The following VGLL4 variants were observed in gnomAD, a reference collection of about 807,000 sequenced individuals.
VGLL4 encodes the protein vestigial like family member 4.
Under a neutral mutation model 21.0 loss-of-function variants are expected in VGLL4, and 7 were observed. The ratio of observed to expected loss-of-function variants is 0.33; its 90% CI spans 0.19 to 0.63. The LOEUF is 0.63. VGLL4 is among the 20% of genes least tolerant of loss of function. The pLI is 0.78. For synonymous variants in VGLL4, 222 were observed against 173.2 expected (o/e 1.28, Z -2.21); for missense variants, 394 against 425.7 (o/e 0.93, Z 0.66).
chr3:11,711,734 G>T (rs1366453286), intron 1 of VGLL4, among the ~76,000 whole-genome samples: 3 of 151,962 alleles, frequency 2.0e-5, no homozygotes, highest in African/African-American at 4.8e-5. Context: ...AAATAAAAAA[G>T]AATTTAGAGG....
At position 11,565,022 on chromosome 3, in the gene VGLL4, GA is replaced by G; in HGVS notation, c.273-4del. ...AGTCTCCATTGGCAGTCTTGTTCCT[GA>G]AAAAGAGGAATGGGCATTCAGGGGG... On this transcript the variant is annotated splice_polypyrimidine_tract_variant and splice_region_variant and intron_variant, in intron 2 of 4. Coordinates refer to ENST00000430365, the MANE Select transcript of VGLL4 (RefSeq NM_001128219.3). The surrounding 1 kb of genome is among the most constrained non-coding windows in gnomAD (Gnocchi z 4.1). 5.4e-6 allele frequency: 8 copies of G among 1,475,820 alleles called. No homozygotes were observed. The highest frequency in any genetic ancestry group is 6.3e-6 in the Non-Finnish European group (7 of 1,114,978). The allele number at this position is 1,475,820 out of a possible 1,614,324, so 91.4% of individuals were successfully genotyped here. A position where few individuals can be genotyped will look rare whatever the true frequency, so the allele number is the denominator to read the frequency against.
At chr3:11,685,802 T>A (rs2076438984) in intron 2 of VGLL4, among the ~76,000 whole-genome samples, 1 of 152,012 alleles carries the variant, frequency 6.6e-6, no homozygotes, top group African/African-American at 2.4e-5. Context: ...TGGTGAGCTA[T>A]GATCACACTG....
intron 2 of VGLL4, among the ~76,000 whole-genome samples, chr3:11,676,413 A>T (rs1357868542): frequency 0.012 from 540 of 46,916 alleles, 5 homozygotes; most frequent in African/African-American, 0.025. Context: ...AAAAAAAATA[A>T]AATAATAATA....
chr3:11,634,151 T>C (rs1040488584), intron 1 of VGLL4, among the ~76,000 whole-genome samples: 2 of 152,130 alleles, frequency 1.3e-5, no homozygotes, highest in Non-Finnish European at 2.9e-5. Flanking sequence ...CTATTATTTA[T>C]CTCTTCTTCG....
At chr3:11,641,771 A>G (rs1401091111) in intron 1 of VGLL4, among the ~76,000 whole-genome samples, 1 of 152,188 alleles carries the variant, frequency 6.6e-6, no homozygotes, top group Non-Finnish European at 1.5e-5. Flanking sequence ...AGAAGAGCAG[A>G]GCAGAGCACT....
intron 2 of VGLL4, among the ~76,000 whole-genome samples, chr3:11,579,421 T>C (rs1162380216): frequency 6.6e-6 from 1 of 152,220 alleles, no homozygotes; most frequent in African/African-American, 2.4e-5. Flanking sequence ...TAAAACTGCA[T>C]TTCTTTTAAA....
At chr3:11,683,308 A>G (rs2076402034) in intron 2 of VGLL4, among the ~76,000 whole-genome samples, 1 of 152,214 alleles carries the variant, frequency 6.6e-6, no homozygotes, top group Non-Finnish European at 1.5e-5. Context: ...ACATGGTGAA[A>G]AGGGAACACT....
In VGLL4 at chr3:11,642,298, A is replaced by G. The variant is rs114702952; in HGVS notation, c.82+1139T>C. Among the ~76,000 whole-genome samples, 863 of 152,354 alleles carry G rather than the reference A, an allele frequency of 5.7e-3. 5 individuals carry two copies. Among genetic ancestry groups the G allele is most frequent in the Non-Finnish European group, 8.6e-3 (588 of 68,022 alleles). ...CATAGAGTTTTAAAAAACAACGTGA[A>G]TGAGGGTTGTTGTTGTTTTTTTTCC... On this transcript the variant is annotated intron_variant, in intron 1 of 4. Coordinates refer to ENST00000430365, the MANE Select transcript of VGLL4 (RefSeq NM_001128219.3).
At chr3:11,659,581 G>A (rs185120974) in intron 2 of VGLL4, among the ~76,000 whole-genome samples, 16 of 151,794 alleles carry the variant, frequency 1.1e-4, no homozygotes, top group African/African-American at 2.9e-4. Context: ...GATCCCCCCC[G>A]GCTCGGCCTC....
rs2075738853 is a variant in VGLL4, at chr3:11,643,647, T to C, written c.-129A>G. On this transcript the variant is annotated 5_prime_UTR_variant, in exon 1 of 5. Coordinates refer to ENST00000430365, the MANE Select transcript of VGLL4 (RefSeq NM_001128219.3). ...AAGGCAGAGGCCCAGCCTCAGACTA[T>C]CAAAACAAAGTATGCAAAAGTTAAA... The C allele has an allele frequency of 6.7e-7, 1 of 1,481,740 alleles. No homozygotes were observed. The highest frequency in any genetic ancestry group is 2.6e-5 in the Admixed American group (1 of 38,958). 91.8% of individuals were successfully genotyped at this position (1,481,740 alleles called of 1,614,324 possible).
intron 2 of VGLL4, among the ~76,000 whole-genome samples, chr3:11,576,227 A>G (rs1252026443): frequency 6.6e-6 from 1 of 152,204 alleles, no homozygotes; most frequent in Non-Finnish European, 1.5e-5. Context: ...CTTAATTCAG[A>G]TGGGGCAGGA....
At chr3:11,573,039 G>A (rs779735126) in intron 2 of VGLL4, among the ~76,000 whole-genome samples, 23 of 151,784 alleles carry the variant, frequency 1.5e-4, no homozygotes, top group African/African-American at 5.6e-4. Flanking sequence ...GGTGGTGGGC[G>A]CCTGTAATCC....
chr3:11,582,529 T>C (rs2074257376), intron 2 of VGLL4: 6 of 614,444 alleles, frequency 9.8e-6, no homozygotes, highest in Non-Finnish European at 1.4e-5. Context: ...GGTTTATTTA[T>C]AGAGGGTGCC....
intron 2 of VGLL4, among the ~76,000 whole-genome samples, chr3:11,680,455 C>T (rs1479768765): frequency 6.6e-6 from 1 of 152,056 alleles, no homozygotes; most frequent in Non-Finnish European, 1.5e-5. Context: ...GGTCAAAAGC[C>T]GCATCATCCT....
At chr3:11,669,724 G>C (rs2076176686) in intron 2 of VGLL4, among the ~76,000 whole-genome samples, 2 of 151,838 alleles carry the variant, frequency 1.3e-5, no homozygotes, top group South Asian at 4.2e-4. Flanking sequence ...CTATAGCCCA[G>C]GCTGGAGAAC....
At chr3:11,605,050 G>C (rs796168425) in intron 1 of VGLL4, among the ~76,000 whole-genome samples, 5,884 of 17,590 alleles carry the variant, frequency 0.33, 667 homozygotes, top group Middle Eastern at 0.42. Flanking sequence ...CCACGCCCCC[G>C]CCCACCCCCA....
intron 2 of VGLL4, among the ~76,000 whole-genome samples, chr3:11,668,358 G>A (rs1023482599): frequency 2.0e-5 from 3 of 152,096 alleles, no homozygotes; most frequent in Non-Finnish European, 4.4e-5. Context: ...TATTGCTTGT[G>A]GAAATTTGCT....
At chr3:11,595,743 A>G (rs928405935) in intron 2 of VGLL4, among the ~76,000 whole-genome samples, 11 of 151,502 alleles carry the variant, frequency 7.3e-5, no homozygotes, top group East Asian at 1.9e-4. Context: ...AGGACAAAAA[A>G]CCAAACACCG....
chr3:11,666,803 C>T (rs570886720), intron 2 of VGLL4, among the ~76,000 whole-genome samples: 1 of 152,194 alleles, frequency 6.6e-6, no homozygotes, highest in Non-Finnish European at 1.5e-5. Flanking sequence ...AAACTCCAAC[C>T]TTACAAAGAA....
Sources: gnomAD v4.1 joint callset for allele counts (sites outside exome capture counted in the v4.1 genomes callset) on GRCh38, gnomAD v4.1.1 for gene constraint, Gnocchi (gnomAD v3.1) non-coding constraint, MANE v1.5 for transcripts, NCBI Gene and HGNC (gene_info 2026-07-23, HGNC 2026-07-21) for gene names.